Variants in SLC17A4 observed in about 807,000 individuals in gnomAD.
The protein encoded by SLC17A4 is solute carrier family 17 member 4.
In SLC17A4, 33 loss-of-function variants were observed where a neutral mutation model predicts 52.5. That is an observed-to-expected ratio of 0.63 (90% CI 0.48 to 0.84). The LOEUF (loss-of-function observed/expected upper bound fraction) is 0.84, where lower values mean the gene tolerates loss of function less well. Ranked by LOEUF, SLC17A4 falls within the 40% of genes least tolerant of loss-of-function variation. The probability of loss-of-function intolerance (pLI) is 0.00; values close to 1 mark genes in which losing one functional copy is unlikely to be tolerated. For missense variants in SLC17A4, 585 were observed against 597.1 expected, an observed-to-expected ratio of 0.98 and a Z score of 0.21; for synonymous variants, 225 against 216.2, an observed-to-expected ratio of 1.04 and a Z score of -0.36.
Position 25,762,779 on chromosome 6 carries a change from T to C in SLC17A4, c.91+726T>C, listed in dbSNP as rs1336234185. ...AATCAGGAAATGTGCATGTTAGTAC[T>C]CAACCTACAACTAGTCACCATTTGA... On this transcript the variant is annotated intron_variant, in intron 2 of 11. Transcript: ENST00000377905. Among the ~76,000 whole-genome samples the C allele has an allele frequency of 2.0e-5, 3 of 152,210 alleles. No homozygotes were observed. The East Asian group carries it at 5.8e-4, about 29-fold the overall frequency.
intron 2 of SLC17A4, among the ~76,000 whole-genome samples, chr6:25,762,703 T>C (rs1387429660): frequency 6.6e-6 from 1 of 152,226 alleles, no homozygotes; most frequent in Non-Finnish European, 1.5e-5. Context: ...TTAAGAATTA[T>C]GCATATCTTC....
At chr6:25,777,101 A>G in intron 10 of SLC17A4, 142 bp downstream of exon 10, 2 of 925,052 alleles carry the variant, frequency 2.2e-6, no homozygotes, top group Non-Finnish European at 3.2e-6. Flanking sequence ...CTACATCTAA[A>G]TAATTCCTGG....
Position 25,770,381 on chromosome 6 carries a change from C to A in SLC17A4, c.532-3C>A, listed in dbSNP as rs199617227. 5 of 1,613,918 alleles carry A rather than the reference C, an allele frequency of 3.1e-6. No individual in the cohort carries two copies. The African/African-American group carries it at 6.7e-5, about 22-fold the overall frequency. On this transcript the variant is annotated splice_polypyrimidine_tract_variant and splice_region_variant and intron_variant, in intron 4 of 11. Coordinates refer to ENST00000377905, the MANE Select transcript of SLC17A4 (RefSeq NM_005495.3). ...TCTCCAAGAATGGAATTTTTCCCCC[C>A]AGGTTATGGTATTAACTGGTCAGTA...
intron 2 of SLC17A4, among the ~76,000 whole-genome samples, chr6:25,766,424 C>G (rs1016110295): frequency 6.6e-6 from 1 of 152,134 alleles, no homozygotes; most frequent in African/African-American, 2.4e-5. Context: ...GAAGATGGAG[C>G]TTAGCTCCTT....
intron 2 of SLC17A4, among the ~76,000 whole-genome samples, chr6:25,762,787 CA>C (rs1485997744): frequency 6.6e-6 from 1 of 152,160 alleles, no homozygotes; most frequent in Admixed American, 6.5e-5. Flanking sequence ...ACTCAACCTA[CA>C]ACTAGTCACC....
chr6:25,777,790 T>C, intron 10 of SLC17A4, 136 bp from the exon 11 acceptor site: 1 of 666,376 alleles, frequency 1.5e-6, no homozygotes, highest in East Asian at 2.6e-5. Context: ...TCTCCAGAGG[T>C]AAGCACAGAG....
At chr6:25,766,803 T>A (rs1458367498) in intron 2 of SLC17A4, among the ~76,000 whole-genome samples, 1 of 152,214 alleles carries the variant, frequency 6.6e-6, no homozygotes, top group African/African-American at 2.4e-5. Flanking sequence ...GACTACAAAG[T>A]ATTTAGAATA....
intron 2 of SLC17A4, among the ~76,000 whole-genome samples, chr6:25,764,180 G>A (rs1892246): frequency 0.3 from 45,372 of 151,988 alleles, 7,749 homozygotes; most frequent in East Asian, 0.74. Context: ...CATTGAGTTC[G>A]GCCTGCCACC....
rs1282494399 is a variant in SLC17A4, at chr6:25,777,948, C to G, written c.1291C>G (p.Leu431Val). 6.2e-7 allele frequency: 1 copy of G among 1,613,154 alleles called. No homozygotes were observed. The highest frequency in any genetic ancestry group is 8.5e-7 in the Non-Finnish European group (1 of 1,179,582). The change falls in exon 11 of 12, where the codon CTA (leucine) becomes GTA (valine). Residue 431 changes from leucine (L) to valine (V), a missense_variant. Physicochemically the swap from Leu to Val is conservative, Grantham distance 32. Coordinates refer to ENST00000377905, the MANE Select transcript of SLC17A4 (RefSeq NM_005495.3). ...APRYTGFLKG[L>V]LQVFAHIAGA... ...CAGGTACACTGGCTTTCTCAAAGGA[C>G]TATTGCAAGTCTTTGCACACATAGC... is the stretch of plus-strand genomic sequence containing the variant.
chr6:25,757,082 CAATTTT>C (rs1359175140), intron 1 of SLC17A4, among the ~76,000 whole-genome samples: 1 of 152,130 alleles, frequency 6.6e-6, no homozygotes, highest in Non-Finnish European at 1.5e-5. Context: ...GATTTCAATT[CAATTTT>C]GAGTGTGTTT....
chr6:25,779,924 T>C lies in SLC17A4; in HGVS notation c.*736T>C, dbSNP rs1342561613. ...TTCTAGCCCCTCCAACAGTTCTTCA[T>C]GTAGCACTGCTTTTGGACAGTGACC... On this transcript the variant is annotated 3_prime_UTR_variant, in exon 12 of 12. Coordinates refer to ENST00000377905, the MANE Select transcript of SLC17A4 (RefSeq NM_005495.3). The C allele has an allele frequency of 1.3e-5, 2 of 152,242 alleles. No individual in the cohort carries two copies. Among genetic ancestry groups the C allele is most frequent in the African/African-American group, 4.8e-5 (2 of 41,450 alleles). 9.4% of individuals were successfully genotyped at this position (152,242 alleles called of 1,614,324 possible).
intron 1 of SLC17A4, among the ~76,000 whole-genome samples, chr6:25,758,706 G>A (rs949098566): frequency 2.0e-5 from 3 of 151,470 alleles, no homozygotes; most frequent in East Asian, 3.9e-4. Flanking sequence ...TGTCGCTGAT[G>A]GTCTGGCAAT....
At chr6:25,761,843 A>G in intron 1 of SLC17A4, 84 bp from the exon 2 acceptor site, 2 of 743,590 alleles carry the variant, frequency 2.7e-6, no homozygotes, top group Non-Finnish European at 4.3e-6. Context: ...ATACAGCAAC[A>G]TTTGCTCCTA....
Position 25,779,287 on chromosome 6 carries a change from C to A in SLC17A4, c.*99C>A. On this transcript the variant is annotated 3_prime_UTR_variant, in exon 12 of 12. Coordinates refer to ENST00000377905, the MANE Select transcript of SLC17A4 (RefSeq NM_005495.3). ...GCCTGCTTGACTGATAAGCCATTAG[C>A]TAGACCCTGACTATGTAACGCTAAA... 2 of 1,505,820 alleles carry A rather than the reference C, an allele frequency of 1.3e-6. No individual in the cohort carries two copies. Among genetic ancestry groups the A allele is most frequent in the Non-Finnish European group, 1.8e-6 (2 of 1,108,712 alleles). The allele number at this position is 1,505,820 out of a possible 1,614,324, so 93.3% of individuals were successfully genotyped here.
chr6:25,761,917 T>C lies in SLC17A4; in HGVS notation c.-36-10T>C. The C allele has an allele frequency of 1.3e-6, 2 of 1,497,044 alleles. No homozygotes were observed. Among genetic ancestry groups the C allele is most frequent in the Non-Finnish European group, 9.3e-7 (1 of 1,080,472 alleles). 92.7% of individuals were successfully genotyped at this position (1,497,044 alleles called of 1,614,324 possible). A position where few individuals can be genotyped will look rare whatever the true frequency, so the allele number is the denominator to read the frequency against. ...TCCCTGTATTTTCTTTTGTATTCTT[T>C]TTATTTCAGTAAGTAAATGCCAGTC... is the stretch of plus-strand genomic sequence containing the variant. On this transcript the variant is annotated splice_polypyrimidine_tract_variant and intron_variant, in intron 1 of 11. Transcript: ENST00000377905.
At chr6:25,776,444 T>C (rs1762924895) in intron 8 of SLC17A4, 151 bp from the exon 9 acceptor site, 1 of 871,236 alleles carries the variant, frequency 1.1e-6, no homozygotes, top group African/African-American at 1.7e-5. Flanking sequence ...ATACTAAAAG[T>C]ATATTGGCTC....
chr6:25,773,808 T>C, intron 8 of SLC17A4, 134 bp downstream of exon 8: 1 of 791,818 alleles, frequency 1.3e-6, no homozygotes, highest in Admixed American at 2.9e-5. Flanking sequence ...ATATAGGAAA[T>C]GCAATCTAGT....
chr6:25,777,870 A>G, intron 10 of SLC17A4, 56 bp from the exon 11 acceptor site: 1 of 1,447,828 alleles, frequency 6.9e-7, no homozygotes, highest in South Asian at 1.2e-5. Flanking sequence ...CCGGGTATTG[A>G]GACTTTCAAA....
intron 1 of SLC17A4, 111 bp from the exon 2 acceptor site, chr6:25,761,816 A>G (rs965664380): frequency 1.6e-5 from 10 of 620,400 alleles, no homozygotes; most frequent in South Asian, 1.4e-4. Context: ...CATAAACCCT[A>G]ATCTACCACT....
Sources: gnomAD v4.1 joint callset for allele counts (sites outside exome capture counted in the v4.1 genomes callset) on GRCh38, gnomAD v4.1.1 for gene constraint, MANE v1.5 for transcripts, NCBI Gene and HGNC (gene_info 2026-07-23, HGNC 2026-07-21) for gene names.